Variants in DOCK3 observed in about 807,000 individuals in gnomAD.
DOCK3 encodes the protein dedicator of cytokinesis 3, also known as dedicator of cytokinesis protein 3.
A neutral mutation model predicts 265.6 loss-of-function variants in DOCK3; 60 were observed. That is an observed-to-expected ratio of 0.23 (90% CI 0.18 to 0.28). The LOEUF is 0.28. Ranked by LOEUF, DOCK3 falls within the 10% of genes least tolerant of loss-of-function variation. The probability of loss-of-function intolerance (pLI) is 1.00; values close to 1 mark genes in which losing one functional copy is unlikely to be tolerated. For missense variants in DOCK3, 1,981 were observed against 2,594.3 expected (o/e 0.76, Z 5.14); for synonymous variants, 881 against 938.0 (o/e 0.94, Z 1.11).
chr3:50,719,453 T>C (rs2037342415), intron 1 of DOCK3: 2 of 683,616 alleles, frequency 2.9e-6, no homozygotes, highest in Admixed American at 2.2e-5. Context: ...AATGGTCTGA[T>C]GGTTAAGATA....
chr3:51,253,447 T>C (rs2079373110), intron 22 of DOCK3, among the ~76,000 whole-genome samples: 1 of 152,200 alleles, frequency 6.6e-6, no homozygotes, highest in African/African-American at 2.4e-5. Context: ...TGGTACCAGC[T>C]CCTCTTTATA....
chr3:51,275,004 C>A (rs919499474), intron 24 of DOCK3, 75 bp from the exon 25 acceptor site: 4 of 1,590,472 alleles, frequency 2.5e-6, no homozygotes, highest in Admixed American at 3.3e-5. Context: ...TAGCTAAGTC[C>A]CACAATGCCA....
intron 32 of DOCK3, among the ~76,000 whole-genome samples, chr3:51,328,028 A>T (rs1490403767): frequency 6.6e-6 from 1 of 152,180 alleles, no homozygotes; most frequent in African/African-American, 2.4e-5. Flanking sequence ...ACACTTGAAT[A>T]GGTATCAGAA....
intron 12 of DOCK3, among the ~76,000 whole-genome samples, chr3:51,162,469 C>G (rs1033200292): frequency 2.0e-5 from 3 of 152,158 alleles, no homozygotes; most frequent in African/African-American, 7.2e-5. Flanking sequence ...CAGGCTTTCT[C>G]CATTTACCAA....
intron 12 of DOCK3, among the ~76,000 whole-genome samples, chr3:51,192,811 C>A (rs1217387221): frequency 1.3e-5 from 2 of 151,788 alleles, no homozygotes; most frequent in African/African-American, 4.8e-5. Flanking sequence ...CCAGCTTGAA[C>A]CAAGGGAAGC....
chr3:50,687,200 G>A (rs2355337), intron 1 of DOCK3, among the ~76,000 whole-genome samples: 144,924 of 151,880 alleles, frequency 0.95, 69,557 homozygotes, highest in East Asian at 1. Flanking sequence ...TGGGCAACAG[G>A]GTGAGAGTCC....
chr3:51,279,101 AAT>A (rs2080976966), intron 26 of DOCK3, among the ~76,000 whole-genome samples: 2 of 152,098 alleles, frequency 1.3e-5, no homozygotes, highest in Non-Finnish European at 2.9e-5. Flanking sequence ...ACAAAAAAAA[AAT>A]TAGCCGGGCA....
At chr3:50,713,102 G>A (rs2036872317) in intron 1 of DOCK3, among the ~76,000 whole-genome samples, 1 of 152,176 alleles carries the variant, frequency 6.6e-6, no homozygotes, top group Non-Finnish European at 1.5e-5. Context: ...TGTACAAAGG[G>A]AGATGAGAAA....
In DOCK3 at chr3:51,026,985, C is replaced by T. The variant is rs187193973; in HGVS notation, c.316-37463C>T. 3.0e-3 allele frequency among the ~76,000 whole-genome samples: 452 copies of T among 151,438 alleles called. 3 individuals carry two copies. The highest frequency in any genetic ancestry group is 5.6e-3 in the South Asian group (27 of 4,788). On this transcript the variant is annotated intron_variant, in intron 5 of 52. Transcript: ENST00000266037. ...TTCAGTTCTCTGATTTTAGGTATTT[C>T]TTTTCTTCTGCTAGATTTTTATTTA...
At chr3:51,123,774 G>A (rs1054360176) in intron 9 of DOCK3, among the ~76,000 whole-genome samples, 4 of 152,192 alleles carry the variant, frequency 2.6e-5, no homozygotes, top group African/African-American at 4.8e-5. Flanking sequence ...GAGGGAAGCA[G>A]GTATTTAACA....
At chr3:51,094,518 C>T (rs1373048746) in intron 9 of DOCK3, among the ~76,000 whole-genome samples, 1 of 152,014 alleles carries the variant, frequency 6.6e-6, no homozygotes. Flanking sequence ...GTGATATCCC[C>T]TTTATCATTT....
chr3:51,216,719 TG>T (rs2089808830), intron 14 of DOCK3, among the ~76,000 whole-genome samples: 1 of 152,122 alleles, frequency 6.6e-6, no homozygotes, highest in Non-Finnish European at 1.5e-5. Flanking sequence ...CTGGGCAAAG[TG>T]ATAGGACTGT....
At chr3:50,966,633 C>G (rs917573846) in intron 5 of DOCK3, among the ~76,000 whole-genome samples, 1 of 151,486 alleles carries the variant, frequency 6.6e-6, no homozygotes, top group African/African-American at 2.4e-5. Context: ...ATATGTATAT[C>G]TTTGGGAAAA....
At chr3:51,376,776 T>A (rs2088174957) in intron 51 of DOCK3, among the ~76,000 whole-genome samples, 1 of 152,230 alleles carries the variant, frequency 6.6e-6, no homozygotes, top group African/African-American at 2.4e-5. Flanking sequence ...TCCCCACTGT[T>A]ATGCTCCGCC....
intron 9 of DOCK3, among the ~76,000 whole-genome samples, chr3:51,143,635 C>T (rs1219316115): frequency 1.3e-5 from 2 of 152,166 alleles, no homozygotes; most frequent in Non-Finnish European, 2.9e-5. Flanking sequence ...TATTTGCCAT[C>T]TCTGCACATC....
At chr3:50,742,460 C>T (rs1256819295) in intron 1 of DOCK3, among the ~76,000 whole-genome samples, 9 of 148,530 alleles carry the variant, frequency 6.1e-5, no homozygotes, top group African/African-American at 9.9e-5. Flanking sequence ...AAAATTTAGA[C>T]GAATGTATAA....
chr3:50,791,800 G>GTAC (rs2042493637), intron 2 of DOCK3, among the ~76,000 whole-genome samples: 1 of 152,074 alleles, frequency 6.6e-6, no homozygotes, highest in African/African-American at 2.4e-5. Flanking sequence ...TTTGTTTTTT[G>GTAC]TACTAGTACC....
intron 4 of DOCK3, among the ~76,000 whole-genome samples, chr3:50,921,270 A>T (rs1047446276): frequency 1.1e-4 from 17 of 151,774 alleles, no homozygotes; most frequent in Non-Finnish European, 1.9e-4. Context: ...TTTTTCTCTA[A>T]CTTCTCTTCT....
chr3:51,064,268 G>A (rs895662500), intron 5 of DOCK3, among the ~76,000 whole-genome samples, 180 bp from the exon 6 acceptor site: 3 of 152,174 alleles, frequency 2.0e-5, no homozygotes, highest in African/African-American at 7.2e-5. Context: ...ATGTCACTAC[G>A]TAGAGATTTT....
Sources: gnomAD v4.1 joint callset for allele counts (sites outside exome capture counted in the v4.1 genomes callset) on GRCh38, gnomAD v4.1.1 for gene constraint, MANE v1.5 for transcripts, NCBI Gene and HGNC (gene_info 2026-07-23, HGNC 2026-07-21) for gene names.